RPRD2: variants seen among roughly 807,000 people sequenced by gnomAD.
The protein encoded by RPRD2 is regulation of nuclear pre-mRNA domain containing 2.
RPRD2 carries 12 observed loss-of-function variants against 104.4 expected under a neutral mutation model. The observed-to-expected ratio is 0.11, with a 90% confidence interval of 0.07 to 0.19. RPRD2 has a LOEUF of 0.19. Among genes scored for constraint, RPRD2 ranks in the 10% least tolerant of loss-of-function variants. The pLI is 1.00. For synonymous variants in RPRD2, 714 were observed against 684.9 expected (o/e 1.04, Z -0.66); for missense variants, 1,543 against 1,790.1 (o/e 0.86, Z 2.49).
chr1:150,428,521 C>T (rs1665324950), intron 2 of RPRD2, among the ~76,000 whole-genome samples: 3 of 149,096 alleles, frequency 2.0e-5, no homozygotes, highest in South Asian at 2.2e-4. Flanking sequence ...GGGTTTTTGA[C>T]TAAGTATTGA....
At chr1:150,416,872 CAAAA>C (rs782463847) in intron 1 of RPRD2, among the ~76,000 whole-genome samples, 4 of 72,450 alleles carry the variant, frequency 5.5e-5, no homozygotes, top group Non-Finnish European at 1.1e-4. Context: ...ACTCCATCTC[CAAAA>C]AAAAAAAAAA....
At chr1:150,429,008 AAAG>A (rs1255317517) in intron 2 of RPRD2, among the ~76,000 whole-genome samples, 2 of 152,136 alleles carry the variant, frequency 1.3e-5, no homozygotes, top group Non-Finnish European at 2.9e-5. Context: ...CTTAAAAATC[AAAG>A]AAGAAAAGGT....
At chr1:150,431,575 G>A (rs587654019) in intron 2 of RPRD2, among the ~76,000 whole-genome samples, 45 of 147,328 alleles carry the variant, frequency 3.1e-4, no homozygotes, top group African/African-American at 1.1e-3. Flanking sequence ...CCGCTTCCCG[G>A]GTTCAAGCAA....
chr1:150,426,116 CAAAA>C (rs1283594029), intron 2 of RPRD2, among the ~76,000 whole-genome samples: 1 of 151,930 alleles, frequency 6.6e-6, no homozygotes. Context: ...AACAAACAAA[CAAAA>C]AAAGGGATGC....
At position 150,405,407 on chromosome 1, in the gene RPRD2, A is replaced by ATT. The variant is rs5777725; in HGVS notation, c.206-12181_206-12180dup. On this transcript the variant is annotated intron_variant, in intron 1 of 10. Coordinates refer to ENST00000369068, the MANE Select transcript of RPRD2 (RefSeq NM_015203.5). ...ATTTTTAGTAATGACAAAATTTTTT[A>ATT]TTTTTTTTTGGTAAATAGCCTAGTA... Among the ~76,000 whole-genome samples, 323 of 150,948 alleles carry ATT rather than the reference A, an allele frequency of 2.1e-3. 1 individual carries two copies. Among genetic ancestry groups the ATT allele is most frequent in the African/African-American group, 7.1e-3 (291 of 41,108 alleles).
At chr1:150,387,567 C>G (rs2487761) in intron 1 of RPRD2, among the ~76,000 whole-genome samples, 1 of 73,744 alleles carries the variant, frequency 1.4e-5, no homozygotes. Flanking sequence ...TGCAACAGAC[C>G]TTTTTTTTTT....
chr1:150,365,618 T>C (rs1024563963), intron 1 of RPRD2, among the ~76,000 whole-genome samples: 8 of 152,148 alleles, frequency 5.3e-5, no homozygotes. Context: ...AGACGGAGTT[T>C]TGCTCTTGTC....
At chr1:150,387,834 C>T (rs1661705031) in intron 1 of RPRD2, among the ~76,000 whole-genome samples, 1 of 150,816 alleles carries the variant, frequency 6.6e-6, no homozygotes, top group Admixed American at 6.6e-5. Flanking sequence ...AGGTGATTTG[C>T]CTGCCTCGGC....
chr1:150,463,575 A>G (rs1387458225), intron 9 of RPRD2, among the ~76,000 whole-genome samples: 5 of 152,122 alleles, frequency 3.3e-5, no homozygotes, highest in African/African-American at 1.2e-4. Context: ...ATATCTGTTC[A>G]TATTTATCTT....
At chr1:150,444,216 C>A (rs1456594458) in intron 5 of RPRD2, 35 bp from the exon 6 acceptor site, 4 of 1,587,206 alleles carry the variant, frequency 2.5e-6, no homozygotes, top group East Asian at 2.2e-5. Context: ...ATTGAATGAT[C>A]TTGTAAATGA....
At chr1:150,392,933 T>TAA (rs1662203137) in intron 1 of RPRD2, among the ~76,000 whole-genome samples, 1 of 151,874 alleles carries the variant, frequency 6.6e-6, no homozygotes, top group Admixed American at 6.6e-5. Context: ...GCAGGGCAAA[T>TAA]AAAAGCACAA....
intron 1 of RPRD2, among the ~76,000 whole-genome samples, chr1:150,404,337 C>A (rs2102231481): frequency 6.6e-6 from 1 of 152,246 alleles, no homozygotes; most frequent in African/African-American, 2.4e-5. Context: ...ACCTCTGCCT[C>A]CCAGGCTCAA....
intron 5 of RPRD2, among the ~76,000 whole-genome samples, chr1:150,443,637 G>T (rs1388383726): frequency 2.6e-5 from 4 of 152,128 alleles, no homozygotes; most frequent in Admixed American, 2.6e-4. Context: ...CTATATAAAT[G>T]GACCTTTGTC....
At chr1:150,412,551 TAGC>T (rs1553887872) in intron 1 of RPRD2, among the ~76,000 whole-genome samples, 3 of 152,114 alleles carry the variant, frequency 2.0e-5, no homozygotes, top group Admixed American at 6.6e-5. Flanking sequence ...AAACACAAGG[TAGC>T]AGGGTTTTTG....
At chr1:150,422,580 G>A (rs1228156104) in intron 2 of RPRD2, among the ~76,000 whole-genome samples, 5 of 151,978 alleles carry the variant, frequency 3.3e-5, no homozygotes, top group Non-Finnish European at 5.9e-5. Context: ...CTCAGTCCTA[G>A]GCTGATGGCC....
chr1:150,457,153 G>A, intron 7 of RPRD2, 135 bp from the exon 8 acceptor site: 1 of 729,062 alleles, frequency 1.4e-6, no homozygotes, highest in Non-Finnish European at 2.2e-6. Context: ...CAACCCAGGA[G>A]GCAGAGGTTG....
intron 2 of RPRD2, among the ~76,000 whole-genome samples, chr1:150,420,656 T>A (rs1210156940): frequency 6.6e-6 from 1 of 152,128 alleles, no homozygotes; most frequent in Non-Finnish European, 1.5e-5. Context: ...TGAAACCCCA[T>A]CTGTAGTAAA....
intron 6 of RPRD2, among the ~76,000 whole-genome samples, 159 bp from the exon 7 acceptor site, chr1:150,446,067 C>CAAAAAAA (rs5777728): frequency 3.2e-5 from 3 of 93,382 alleles, no homozygotes; most frequent in African/African-American, 7.2e-5. Context: ...GACTCCGTCT[C>CAAAAAAA]AAAAAAAAAA....
chr1:150,441,105 T>A, intron 3 of RPRD2, 82 bp downstream of exon 3: 1 of 646,200 alleles, frequency 1.5e-6, no homozygotes, highest in South Asian at 2.1e-5. Flanking sequence ...GGTCATGTTG[T>A]ATAATAGTGA....
Sources: allele counts gnomAD v4.1 joint callset (sites outside exome capture counted in the v4.1 genomes callset), GRCh38; gene constraint gnomAD v4.1.1; transcripts MANE v1.5; gene names NCBI Gene and HGNC (gene_info 2026-07-23, HGNC 2026-07-21).